Variants in FGD5 observed in about 807,000 individuals in gnomAD.
The protein encoded by FGD5 is FYVE, RhoGEF and PH domain containing 5, also known as FYVE, RhoGEF and PH domain-containing protein 5.
Under a neutral mutation model 133.4 loss-of-function variants are expected in FGD5, and 28 were observed. The ratio of observed to expected loss-of-function variants is 0.21; its 90% CI spans 0.16 to 0.29. The LOEUF is 0.29. Among genes scored for constraint, FGD5 ranks in the 10% least tolerant of loss-of-function variants. The pLI is 1.00. For missense variants in FGD5, 1,858 were observed against 1,895.2 expected (o/e 0.98, Z 0.36); for synonymous variants, 810 against 776.5 (o/e 1.04, Z -0.72).
chr3:14,870,828 C>T (rs910231211), intron 2 of FGD5, among the ~76,000 whole-genome samples: 1 of 152,208 alleles, frequency 6.6e-6, no homozygotes, highest in East Asian at 1.9e-4. Flanking sequence ...CCATCCCCGG[C>T]CTGCCTGCTT....
chr3:14,918,624 AG>A, intron 12 of FGD5, 129 bp from the exon 13 acceptor site: 2 of 840,252 alleles, frequency 2.4e-6, no homozygotes. Context: ...CATCACAGAA[AG>A]GTATGCCCTG....
chr3:14,933,221 T>A lies in FGD5; in HGVS notation c.*54T>A. 1 of 1,586,096 alleles carries A rather than the reference T, an allele frequency of 6.3e-7. No individual in the cohort carries two copies. Among genetic ancestry groups the A allele is most frequent in the Non-Finnish European group, 8.6e-7 (1 of 1,161,370 alleles). On this transcript the variant is annotated 3_prime_UTR_variant, in exon 20 of 20. Transcript: ENST00000285046. Reference sequence around the variant, plus strand: ...AATTCTTAGGTCAATATGTGAATGCTTTTAGAAGCTAAGCTGTGGCTCAAC... The same window carrying A: ...AATTCTTAGGTCAATATGTGAATGCATTTAGAAGCTAAGCTGTGGCTCAAC...
intron 2 of FGD5, among the ~76,000 whole-genome samples, chr3:14,868,672 C>G (rs2037545786): frequency 6.6e-6 from 1 of 152,226 alleles, no homozygotes; most frequent in African/African-American, 2.4e-5. Flanking sequence ...GCTTCCCACT[C>G]CCAGAAAACA....
intron 1 of FGD5, among the ~76,000 whole-genome samples, chr3:14,833,801 TC>T: frequency 6.6e-6 from 1 of 152,232 alleles, no homozygotes. Context: ...TTCATCCAGA[TC>T]CTCTGAAATG....
At chr3:14,839,635 A>AT (rs1173159389) in intron 1 of FGD5, among the ~76,000 whole-genome samples, 2 of 152,116 alleles carry the variant, frequency 1.3e-5, no homozygotes, top group Non-Finnish European at 2.9e-5. Flanking sequence ...GTTCAAAACC[A>AT]TTTTTTAAGA....
At chr3:14,865,210 C>G (rs2037471801) in intron 2 of FGD5, among the ~76,000 whole-genome samples, 1 of 151,728 alleles carries the variant, frequency 6.6e-6, no homozygotes, top group South Asian at 2.1e-4. Flanking sequence ...CCCAGCAGAC[C>G]TCAGCACCTT....
chr3:14,847,204 C>T (rs2037067491), intron 1 of FGD5, among the ~76,000 whole-genome samples: 1 of 152,196 alleles, frequency 6.6e-6, no homozygotes, highest in Admixed American at 6.5e-5. Flanking sequence ...GACCCCCACC[C>T]GAAACACCTA....
rs141128009 is a variant in FGD5 at position 14,855,681 on chromosome 3, C to T, written c.2526-8447C>T. On this transcript the variant is annotated intron_variant, in intron 1 of 19. Transcript: ENST00000285046. ...TTTTTTGAGAAATGTCTATTCATAT[C>T]ATTTACCCATCTTTTTAATCAGATT... is the stretch of plus-strand genomic sequence containing the variant. Among the ~76,000 whole-genome samples, 727 of 151,556 alleles carry T rather than the reference C, an allele frequency of 4.8e-3. 7 individuals carry two copies. Among genetic ancestry groups the T allele is most frequent in the African/African-American group, 0.017 (694 of 41,332 alleles).
At chr3:14,914,805 A>G (rs1353774280) in intron 11 of FGD5, among the ~76,000 whole-genome samples, 1 of 152,172 alleles carries the variant, frequency 6.6e-6, no homozygotes, top group African/African-American at 2.4e-5. Context: ...AATGAGGATG[A>G]TGATCATGGT....
chr3:14,843,791 C>T (rs1264302393), intron 1 of FGD5, among the ~76,000 whole-genome samples: 3 of 149,198 alleles, frequency 2.0e-5, no homozygotes, highest in African/African-American at 7.4e-5. Context: ...CCTGGGTTCA[C>T]GTGATTCTCG....
At chr3:14,830,482 G>A (rs2036685647) in intron 1 of FGD5, among the ~76,000 whole-genome samples, 2 of 152,128 alleles carry the variant, frequency 1.3e-5, no homozygotes, top group African/African-American at 4.8e-5. Flanking sequence ...ACCTTGCAGA[G>A]CTGTAATGTA....
chr3:14,907,858 C>G, intron 10 of FGD5, 147 bp downstream of exon 10: 1 of 734,218 alleles, frequency 1.4e-6, no homozygotes, highest in South Asian at 1.9e-5. Context: ...CGTGGGCTCA[C>G]TGGATTCTCC....
In FGD5 at chr3:14,819,703, G is replaced by T; in HGVS notation, c.632G>T (p.Gly211Val). Residue 211 changes from glycine to valine, a missense_variant, in exon 1 of 20, where the codon GGG (glycine) becomes GTG (valine). Gly to Val is a moderately radical substitution (Grantham distance 109). This residue lies in a region of FGD5 where 1,824 missense variants were observed against 1,848.9 expected (regional missense o/e 0.99). Coordinates refer to ENST00000285046, the MANE Select transcript of FGD5 (RefSeq NM_152536.4). This position sits in a 1 kb window ranked among gnomAD's most constrained non-coding sequence, Gnocchi z 4.1. ...GACCAGGAGCCCCCCGACACCCCCG[G>T]GGAGGCAGAGGAGGATGATGAGGAA... The part of the protein sequence containing the change: ...GEDQEPPDTP[G>V]EAEEDDEEGC... The T allele has an allele frequency of 6.5e-7, 1 of 1,536,518 alleles. No individual in the cohort carries two copies. The highest frequency in any genetic ancestry group is 8.8e-7 in the Non-Finnish European group (1 of 1,139,160).
intron 9 of FGD5, among the ~76,000 whole-genome samples, chr3:14,905,329 G>A (rs935266921): frequency 6.6e-6 from 1 of 152,200 alleles, no homozygotes; most frequent in East Asian, 1.9e-4. Flanking sequence ...ATTTTGGGAA[G>A]TTTGGCTGTG....
chr3:14,884,734 G>A (rs897922823), intron 4 of FGD5, among the ~76,000 whole-genome samples: 4 of 152,212 alleles, frequency 2.6e-5, no homozygotes, highest in African/African-American at 9.7e-5. Context: ...GGGGTGACCT[G>A]ATGGCTAGGA....
intron 4 of FGD5, among the ~76,000 whole-genome samples, chr3:14,895,328 A>G (rs61099191): frequency 0.013 from 1,979 of 152,296 alleles, 44 homozygotes; most frequent in African/African-American, 0.044. Flanking sequence ...TAGTTGCATC[A>G]TAGTTGGAGG....
chr3:14,894,216 TC>T, intron 4 of FGD5, among the ~76,000 whole-genome samples: 1 of 152,216 alleles, frequency 6.6e-6, no homozygotes, highest in East Asian at 1.9e-4. Flanking sequence ...TATTTGTCTT[TC>T]TGTGCTTGGT....
In FGD5 at chr3:14,922,844, A is replaced by G. The variant is rs1300907196; in HGVS notation, c.3808-202A>G. Among the ~76,000 whole-genome samples, 1 of 152,204 alleles carries G rather than the reference A, an allele frequency of 6.6e-6. No individual in the cohort carries two copies. The highest frequency in any genetic ancestry group is 2.4e-5 in the African/African-American group (1 of 41,456). On this transcript the variant is annotated intron_variant, in intron 15 of 19. Transcript: ENST00000285046. This position sits in a 1 kb window ranked among gnomAD's most constrained non-coding sequence, Gnocchi z 4.1. The stretch of plus-strand genomic sequence containing the variant: ...ATGTAGTGGTTAAGGGCGCGGGCTC[A>G]TCAGAAAAGCAGATAGGCGCTGGCT...
At chr3:14,835,076 C>T (rs759485615) in intron 1 of FGD5, among the ~76,000 whole-genome samples, 1 of 152,206 alleles carries the variant, frequency 6.6e-6, no homozygotes, top group Non-Finnish European at 1.5e-5. Context: ...CCACAAGGCA[C>T]ACACAAGGAC....
Sources: allele counts gnomAD v4.1 joint callset (sites outside exome capture counted in the v4.1 genomes callset), GRCh38; gene constraint gnomAD v4.1.1; regional missense constraint gnomAD v4.1.1; non-coding constraint Gnocchi (gnomAD v3.1); transcripts MANE v1.5; gene names NCBI Gene and HGNC (gene_info 2026-07-23, HGNC 2026-07-21).